AP4S1: variants seen among roughly 807,000 people sequenced by gnomAD.
AP4S1 encodes the protein adaptor related protein complex 4 subunit sigma 1, also known as AP-4 complex subunit sigma-1.
Under a neutral mutation model 19.8 loss-of-function variants are expected in AP4S1, and 23 were observed. The observed-to-expected ratio is 1.16, with a 90% CI of 0.84 to 1.65. The LOEUF (loss-of-function observed/expected upper bound fraction) is 1.65, where lower values mean the gene tolerates loss of function less well. Among genes scored for constraint, AP4S1 ranks in the 40% most tolerant of loss-of-function variants. The pLI is 0.00. For missense variants in AP4S1, 166 were observed against 172.8 expected, an observed-to-expected ratio of 0.96 and a Z score of 0.22; for synonymous variants, 46 against 54.1, an observed-to-expected ratio of 0.85 and a Z score of 0.66.
In AP4S1 at chr14:31,061,579, G is replaced by A. The variant is rs114919106; in HGVS notation, c.-71-4547G>A. The stretch of plus-strand genomic sequence containing the variant: ...TTTCAGTCTCCTAAGCAGCAGATTG[G>A]GAAACTGGTCCCTGCTAAAAGTGAC... On this transcript the variant is annotated intron_variant, in intron 1 of 5. Transcript: ENST00000542754. Among the ~76,000 whole-genome samples, 277 of 152,234 alleles carry A rather than the reference G, an allele frequency of 1.8e-3. 2 individuals carry two copies. Among genetic ancestry groups the A allele is most frequent in the African/African-American group, 6.5e-3 (269 of 41,550 alleles).
At chr14:31,087,379 C>T (rs909373904) in intron 5 of AP4S1, among the ~76,000 whole-genome samples, 9 of 152,012 alleles carry the variant, frequency 5.9e-5, no homozygotes, top group South Asian at 2.1e-4. Flanking sequence ...TTCTCTGAGA[C>T]GGAGCTTTGC....
intron 1 of AP4S1, among the ~76,000 whole-genome samples, chr14:31,032,777 G>T (rs945731377): frequency 6.6e-6 from 1 of 151,720 alleles, no homozygotes; most frequent in African/African-American, 2.4e-5. Flanking sequence ...CTCATGATCC[G>T]CCCGCCTCGG....
intron 1 of AP4S1, among the ~76,000 whole-genome samples, chr14:31,065,120 C>A (rs1160855041): frequency 2.0e-5 from 3 of 152,176 alleles, no homozygotes; most frequent in Non-Finnish European, 4.4e-5. Flanking sequence ...TAGATCTTGT[C>A]TCCATTGCCC....
intron 1 of AP4S1, among the ~76,000 whole-genome samples, chr14:31,055,854 G>A (rs1177217675): frequency 8.3e-6 from 1 of 120,184 alleles, no homozygotes; most frequent in African/African-American, 3.1e-5. Context: ...TTCTTTTTTT[G>A]TTTTTTTGAG....
chr14:31,085,086 C>T, intron 5 of AP4S1: 1 of 1,394,438 alleles, frequency 7.2e-7, no homozygotes, highest in South Asian at 1.7e-5. Flanking sequence ...GCCTGGACAG[C>T]CAGGGGCTCC....
intron 1 of AP4S1, among the ~76,000 whole-genome samples, chr14:31,034,489 C>T (rs560938096): frequency 1.3e-5 from 2 of 152,212 alleles, no homozygotes; most frequent in South Asian, 2.1e-4. Context: ...CAAACTCTCA[C>T]TGCATTGCCC....
In AP4S1 at chr14:31,053,268, T is replaced by G. The variant is rs552754793; in HGVS notation, c.-71-12858T>G. 2.9e-3 allele frequency among the ~76,000 whole-genome samples: 443 copies of G among 152,290 alleles called. 4 individuals carry two copies. The highest frequency in any genetic ancestry group is 0.023 in the South Asian group (109 of 4,830). On this transcript the variant is annotated intron_variant, in intron 1 of 5. Transcript: ENST00000542754. ...GTGCTAAATGTTTTTACAACAATTA[T>G]GTCATTTGCCTCATTTAATTTTCTC... is the stretch of plus-strand genomic sequence containing the variant.
At chr14:31,058,527 A>ATGTGTGTGTGTGTG (rs140119208) in intron 1 of AP4S1, among the ~76,000 whole-genome samples, 45 of 136,664 alleles carry the variant, frequency 3.3e-4, no homozygotes, top group Admixed American at 5.7e-4. Flanking sequence ...CTGTGTGTGT[A>ATGTGTGTGTGTGTG]TGTGTGTGTG....
intron 1 of AP4S1, among the ~76,000 whole-genome samples, chr14:31,057,233 G>C (rs957795298): frequency 1.3e-5 from 2 of 152,192 alleles, no homozygotes; most frequent in Non-Finnish European, 2.9e-5. Flanking sequence ...TCTACAAAAT[G>C]AAGGGAATAC....
chr14:31,047,346 A>T (rs1340301989), intron 1 of AP4S1, among the ~76,000 whole-genome samples: 2 of 149,408 alleles, frequency 1.3e-5, no homozygotes, highest in Non-Finnish European at 1.5e-5. Flanking sequence ...GGCAGGGGGA[A>T]GTTGTTTGTT....
intron 1 of AP4S1, among the ~76,000 whole-genome samples, chr14:31,028,592 CACAT>C (rs1360270550): frequency 7.6e-6 from 1 of 131,210 alleles, no homozygotes; most frequent in Admixed American, 7.4e-5. Context: ...GACATACACA[CACAT>C]ACACACACAC....
chr14:31,071,966 G>T (rs541169189), intron 3 of AP4S1, among the ~76,000 whole-genome samples: 7 of 150,920 alleles, frequency 4.6e-5, no homozygotes, highest in African/African-American at 1.7e-4. Context: ...ATGTCACTCA[G>T]GTTGGAGTAC....
rs1278215418 is a variant in AP4S1 at position 31,093,820 on chromosome 14, G to T, written c.*785G>T. 6.6e-6 allele frequency: 1 copy of T among 152,098 alleles called. No homozygotes were observed. Among genetic ancestry groups the T allele is most frequent in the Non-Finnish European group, 1.5e-5 (1 of 68,242 alleles). The allele number at this position is 152,098 out of a possible 1,614,324, so 9.4% of individuals were successfully genotyped here. On this transcript the variant is annotated 3_prime_UTR_variant, in exon 6 of 6. Coordinates refer to ENST00000542754, the MANE Select transcript of AP4S1 (RefSeq NM_001128126.3). ...GAGGTGTTTTTTTGTTTGTTTTTTTGTTTTGTTTTTTAAGACGGAGTCTTG... is the reference window on the plus strand; with the variant it reads ...GAGGTGTTTTTTTGTTTGTTTTTTTTTTTTGTTTTTTAAGACGGAGTCTTG...
At chr14:31,060,935 G>C (rs996340439) in intron 1 of AP4S1, among the ~76,000 whole-genome samples, 2 of 151,932 alleles carry the variant, frequency 1.3e-5, no homozygotes, top group African/African-American at 4.8e-5. Flanking sequence ...TGTCACCCAG[G>C]CTGCAGTGCA....
chr14:31,034,165 C>CT (rs544116661), intron 1 of AP4S1, among the ~76,000 whole-genome samples: 204 of 152,298 alleles, frequency 1.3e-3, no homozygotes, highest in African/African-American at 4.6e-3. Context: ...ACATGGACAC[C>CT]TGGCCCAGTA....
chr14:31,040,779 G>C (rs1885062049), intron 1 of AP4S1, among the ~76,000 whole-genome samples: 1 of 152,096 alleles, frequency 6.6e-6, no homozygotes, highest in African/African-American at 2.4e-5. Flanking sequence ...CGAGCCACAT[G>C]AAGCTTTATA....
At chr14:31,048,450 C>A (rs932722624) in intron 1 of AP4S1, among the ~76,000 whole-genome samples, 2 of 151,978 alleles carry the variant, frequency 1.3e-5, no homozygotes, top group Non-Finnish European at 1.5e-5. Flanking sequence ...TAGCCAGGAC[C>A]ACGCACAGTG....
chr14:31,066,252 A>G lies in AP4S1; in HGVS notation c.56A>G (p.Tyr19Cys), dbSNP rs1663411588. The stretch of plus-strand genomic sequence containing the variant: ...CAAGGGCAGACTCGACTTTCTAAGT[A>G]CTATGAACATGTGGATATTAATAAG... ...NKQGQTRLSK[Y>C]YEHVDINKRT... is the part of the protein sequence containing the mutation. Residue 19 changes from tyrosine to cysteine, a missense_variant, in exon 2 of 6, where the codon TAC becomes TGC. By Grantham distance (194) the Tyr-to-Cys change is radical. Transcript: ENST00000542754. 1 of 1,613,956 alleles carries G rather than the reference A, an allele frequency of 6.2e-7. No individual in the cohort carries two copies. Among genetic ancestry groups the G allele is most frequent in the African/African-American group, 1.3e-5 (1 of 75,050 alleles).
intron 5 of AP4S1, among the ~76,000 whole-genome samples, 159 bp from the exon 6 acceptor site, chr14:31,092,748 T>A (rs566780844): frequency 6.6e-6 from 1 of 152,338 alleles, no homozygotes; most frequent in African/African-American, 2.4e-5. Context: ...TAACAATTTC[T>A]AATATGGATG....
Sources: allele counts gnomAD v4.1 joint callset (sites outside exome capture counted in the v4.1 genomes callset), GRCh38; gene constraint gnomAD v4.1.1; transcripts MANE v1.5; gene names NCBI Gene and HGNC (gene_info 2026-07-23, HGNC 2026-07-21).